Variants in MALRD1 observed in about 807,000 individuals in gnomAD.
MALRD1 encodes MAM and LDL-receptor class A domain-containing protein 1.
MALRD1 carries 247 observed loss-of-function variants against 242.1 expected under a neutral mutation model. That is an observed-to-expected ratio of 1.02 (90% CI 0.92 to 1.13). The LOEUF (loss-of-function observed/expected upper bound fraction) is 1.13. Among genes scored for constraint, MALRD1 ranks in the 50% most tolerant of loss-of-function variants. The pLI, the probability that MALRD1 is intolerant of heterozygous loss-of-function variation, is 0.00. For missense variants in MALRD1, 2,989 were observed against 2,533.1 expected, an observed-to-expected ratio of 1.18 and a Z score of -3.86; for synonymous variants, 995 against 866.6, an observed-to-expected ratio of 1.15 and a Z score of -2.60.
At chr10:19,648,962 C>T (rs1281643708) in intron 36 of MALRD1, among the ~76,000 whole-genome samples, 2 of 152,242 alleles carry the variant, frequency 1.3e-5, no homozygotes, top group East Asian at 1.9e-4. Flanking sequence ...TATCATTGAG[C>T]CCCCACTTAT....
In MALRD1 at chr10:19,607,781, C is replaced by A; in HGVS notation, c.5949C>A (p.Asn1983Lys). The change falls in exon 35 of 40, where the codon AAC becomes AAA. Residue 1983 changes from asparagine (N) to lysine (K), a missense_variant. Transcript: ENST00000454679. ...HFNEDELICS[N>K]KSCSNGALVC... ...ATTATTCTTTTTTTTTTGCAGCCAA[C>A]AAAAGCTGTTCTAATGGAGCTCTGG... The A allele has an allele frequency of 1.3e-6, 2 of 1,546,408 alleles. No homozygotes were observed. The highest frequency in any genetic ancestry group is 1.7e-6 in the Non-Finnish European group (2 of 1,145,342).
chr10:19,557,586 T>C (rs990515951), intron 32 of MALRD1, among the ~76,000 whole-genome samples: 3 of 152,170 alleles, frequency 2.0e-5, no homozygotes, highest in African/African-American at 7.2e-5. Context: ...GTTACTTCTA[T>C]TTGTGTGAGT....
rs758523934 is a variant in MALRD1, at chr10:19,209,533, CAT to C, written c.2845_2846del (p.Met949ValfsTer7). On this transcript the variant is annotated frameshift_variant, in exon 18 of 40. Transcript: ENST00000454679. LOFTEE classifies it high-confidence loss of function. ...GCTGCACCTTCCGCTTCTATTACCA[CAT>C]GTTTGGAAAGCGCATTTATAGGTTG... ...KGCTFRFYYH[M>X]FGKRIYRLAI... 4.5e-5 allele frequency: 70 copies of C among 1,550,672 alleles called. No homozygotes were observed. The highest frequency in any genetic ancestry group is 1.5e-4 in the East Asian group (6 of 40,936).
intron 1 of MALRD1, among the ~76,000 whole-genome samples, chr10:19,055,714 C>T (rs1432238199): frequency 6.6e-6 from 1 of 152,140 alleles, no homozygotes; most frequent in Non-Finnish European, 1.5e-5. Context: ...AATTGACCAT[C>T]AATGTGTGGG....
intron 21 of MALRD1, among the ~76,000 whole-genome samples, chr10:19,312,378 GTATATATATA>G (rs112120220): frequency 4.4e-5 from 6 of 137,548 alleles, no homozygotes; most frequent in Non-Finnish European, 3.1e-5. Context: ...AGAGGAATGT[GTATATATATA>G]TATATATATA....
rs117117480 is a variant in MALRD1, at chr10:19,450,384, G to T, written c.4923G>T (p.Leu1641=). 1.9e-6 allele frequency: 3 copies of T among 1,550,238 alleles called. No homozygotes were observed. The Admixed American group carries it at 5.9e-5, about 30-fold the overall frequency. The change falls in exon 29 of 40, where the codon CTG becomes CTT. Residue 1641 remains leucine, a synonymous_variant. Transcript: ENST00000454679. ...ATCATTGGCAAAAGGCTGACATCCT[G>T]CTAGGAAAGTTAAGGAATTTTGAAG... ...PGNHWQKADI[L]LGKLRNFEVI... is the part of the protein sequence containing the mutation.
rs181095634 is a variant in MALRD1, at chr10:19,148,816, T to C, written c.1558+2472T>C. ...ATATATATATATATATATATCTGGA[T>C]CACGGAGTCAACATCTCTTTACCCA... is the stretch of plus-strand genomic sequence containing the variant. On this transcript the variant is annotated intron_variant, in intron 11 of 39. Transcript: ENST00000454679. 4.1e-4 allele frequency among the ~76,000 whole-genome samples: 59 copies of C among 143,622 alleles called. 1 individual carries two copies. The South Asian group carries it at 0.012, about 29-fold the overall frequency. 94.2% of individuals were successfully genotyped at this position (143,622 alleles called of 152,430 possible).
At chr10:19,662,282 T>C (rs1841477571) in intron 36 of MALRD1, among the ~76,000 whole-genome samples, 1 of 152,078 alleles carries the variant, frequency 6.6e-6, no homozygotes, top group African/African-American at 2.4e-5. Flanking sequence ...AAATCAAAGC[T>C]TGAATGGAAG....
At chr10:19,165,550 G>T in intron 12 of MALRD1, 87 bp from the exon 13 acceptor site, 1 of 1,041,548 alleles carries the variant, frequency 9.6e-7, no homozygotes, top group Non-Finnish European at 1.2e-6. Context: ...CAGATCACCT[G>T]AGGTCAGGAA....
chr10:19,580,105 A>T (rs761365858), intron 33 of MALRD1, among the ~76,000 whole-genome samples: 1 of 152,200 alleles, frequency 6.6e-6, no homozygotes, highest in Non-Finnish European at 1.5e-5. Flanking sequence ...TCTGGGTTGC[A>T]GGCCTTATGG....
intron 33 of MALRD1, among the ~76,000 whole-genome samples, chr10:19,593,734 G>T (rs544527118): frequency 3.9e-4 from 59 of 152,270 alleles, no homozygotes; most frequent in African/African-American, 1.4e-3. Flanking sequence ...CTTTAAGTTT[G>T]ACTTAATGTA....
chr10:19,481,733 C>T (rs1340123926), intron 29 of MALRD1, among the ~76,000 whole-genome samples: 3 of 151,882 alleles, frequency 2.0e-5, no homozygotes, highest in Non-Finnish European at 4.4e-5. Flanking sequence ...GGAATTGATC[C>T]CTTTCTATTG....
At chr10:19,547,802 A>G (rs535154277) in intron 32 of MALRD1, among the ~76,000 whole-genome samples, 1 of 14,506 alleles carries the variant, frequency 6.9e-5, no homozygotes, top group African/African-American at 1.7e-4. Flanking sequence ...ATATATATAT[A>G]TATATATATA....
chr10:19,573,757 A>T (rs1034958299), intron 33 of MALRD1, among the ~76,000 whole-genome samples: 3 of 152,144 alleles, frequency 2.0e-5, no homozygotes, highest in Admixed American at 6.5e-5. Flanking sequence ...TTCTTAAGTG[A>T]CCTAATATGT....
intron 10 of MALRD1, among the ~76,000 whole-genome samples, chr10:19,144,114 T>A (rs1308949672): frequency 1.3e-5 from 2 of 152,220 alleles, no homozygotes; most frequent in African/African-American, 4.8e-5. Context: ...ATGTTTTTAT[T>A]ATTATGCTGT....
chr10:19,235,146 T>C (rs1276620549), intron 18 of MALRD1, among the ~76,000 whole-genome samples: 1 of 152,086 alleles, frequency 6.6e-6, no homozygotes, highest in Admixed American at 6.6e-5. Context: ...AAGGTTTCAG[T>C]CAGGTAAGTG....
intron 28 of MALRD1, among the ~76,000 whole-genome samples, chr10:19,417,154 A>G (rs1254726467): frequency 6.6e-6 from 1 of 152,162 alleles, no homozygotes; most frequent in Non-Finnish European, 1.5e-5. Flanking sequence ...ATACTGGATT[A>G]CCTGAGGACT....
At chr10:19,239,255 T>C (rs1838649598) in intron 18 of MALRD1, among the ~76,000 whole-genome samples, 1 of 152,082 alleles carries the variant, frequency 6.6e-6, no homozygotes, top group Non-Finnish European at 1.5e-5. Context: ...AGAAATGATT[T>C]CACCATATTG....
chr10:19,567,807 G>A lies in MALRD1; in HGVS notation c.5680+104G>A. ...GGAATTACATTTATTTCTGGGTCCA[G>A]TTCTATTTACACATGGAAAAGAGTC... On this transcript the variant is annotated intron_variant, in intron 33 of 39. Transcript: ENST00000454679. 4.9e-6 allele frequency: 5 copies of A among 1,019,758 alleles called. No individual in the cohort carries two copies. In the South Asian group the frequency reaches 8.2e-5, roughly 17 times the overall value. The allele number at this position is 1,019,758 out of a possible 1,614,324, so 63.2% of individuals were successfully genotyped here.
Sources: gnomAD v4.1 joint callset for allele counts (sites outside exome capture counted in the v4.1 genomes callset) on GRCh38, gnomAD v4.1.1 for gene constraint, MANE v1.5 for transcripts, NCBI Gene and HGNC (gene_info 2026-07-23, HGNC 2026-07-21) for gene names.